The following CNBD1 variants were observed in gnomAD, a reference collection of about 807,000 sequenced individuals.
The protein encoded by CNBD1 is cyclic nucleotide binding domain containing 1, also known as cyclic nucleotide-binding domain-containing protein 1.
A neutral mutation model predicts 54.4 loss-of-function variants in CNBD1; 71 were observed. That is an observed-to-expected ratio of 1.30 (90% CI 1.08 to 1.59). The LOEUF (loss-of-function observed/expected upper bound fraction) is 1.59, where lower values mean the gene tolerates loss of function less well. CNBD1 is among the 40% of genes most tolerant of loss of function. The pLI is 0.00. For synonymous variants in CNBD1, 182 were observed against 170.7 expected (o/e 1.07, Z -0.51); for missense variants, 659 against 518.0 (o/e 1.27, Z -2.64).
chr8:87,149,657 C>T (rs537333275), intron 4 of CNBD1, among the ~76,000 whole-genome samples: 48 of 152,208 alleles, frequency 3.2e-4, no homozygotes, highest in African/African-American at 1.1e-3. Context: ...AGACCCTGAT[C>T]TAAGGTAGGG....
At chr8:87,199,534 TAAG>T (rs2130792416) in intron 4 of CNBD1, among the ~76,000 whole-genome samples, 1 of 152,310 alleles carries the variant, frequency 6.6e-6, no homozygotes, top group Non-Finnish European at 1.5e-5. Context: ...TTTTTTGTGA[TAAG>T]AACACTTCAC....
chr8:86,958,031 T>C (rs1807825277), intron 4 of CNBD1, among the ~76,000 whole-genome samples: 1 of 152,240 alleles, frequency 6.6e-6, no homozygotes, highest in Admixed American at 6.5e-5. Context: ...TATTTGTGTC[T>C]TTGTTCACAT....
At chr8:87,274,562 G>A (rs1808437401) in intron 6 of CNBD1, among the ~76,000 whole-genome samples, 1 of 147,538 alleles carries the variant, frequency 6.8e-6, no homozygotes, top group Non-Finnish European at 1.5e-5. Flanking sequence ...CTACATAAAT[G>A]TCTTCTTTTG....
At chr8:87,345,248 C>A (rs948835356) in intron 8 of CNBD1, among the ~76,000 whole-genome samples, 3 of 152,182 alleles carry the variant, frequency 2.0e-5, no homozygotes, top group African/African-American at 7.2e-5. Context: ...TTAGATTCAA[C>A]ATAGTGCTAG....
chr8:87,248,591 C>T (rs1489324821), intron 6 of CNBD1, among the ~76,000 whole-genome samples: 2 of 152,154 alleles, frequency 1.3e-5, no homozygotes, highest in Non-Finnish European at 2.9e-5. Context: ...CTCATGGCTT[C>T]GTTGGATAGC....
chr8:86,945,081 C>T (rs1807435301), intron 4 of CNBD1, among the ~76,000 whole-genome samples: 1 of 152,000 alleles, frequency 6.6e-6, no homozygotes, highest in Non-Finnish European at 1.5e-5. Context: ...ACAACACTGG[C>T]TTTTAAAATG....
chr8:87,260,852 C>A (rs1246441119), intron 6 of CNBD1, among the ~76,000 whole-genome samples: 1 of 151,916 alleles, frequency 6.6e-6, no homozygotes, highest in Non-Finnish European at 1.5e-5. Flanking sequence ...AATGTATAAG[C>A]CAGAAGGAAC....
chr8:87,214,840 T>TG (rs1554569372), intron 5 of CNBD1, among the ~76,000 whole-genome samples: 1 of 152,064 alleles, frequency 6.6e-6, no homozygotes, highest in Non-Finnish European at 1.5e-5. Context: ...GAGAACAGTA[T>TG]GGGGGAAACT....
intron 4 of CNBD1, among the ~76,000 whole-genome samples, chr8:87,055,919 CTT>C: frequency 6.8e-6 from 1 of 146,546 alleles, no homozygotes; most frequent in Non-Finnish European, 1.5e-5. Context: ...TCCTTCCTTC[CTT>C]CCTTCCTTCC....
chr8:87,360,428 G>A (rs1810502875), intron 10 of CNBD1, among the ~76,000 whole-genome samples: 1 of 151,670 alleles, frequency 6.6e-6, no homozygotes, highest in Non-Finnish European at 1.5e-5. Flanking sequence ...AATGAGAATA[G>A]CATTATTAAG....
chr8:87,367,181 A>C (rs1810658281), intron 10 of CNBD1, among the ~76,000 whole-genome samples: 1 of 152,048 alleles, frequency 6.6e-6, no homozygotes, highest in Admixed American at 6.6e-5. Context: ...CTTTGTCCTG[A>C]CAAACTTTGA....
intron 8 of CNBD1, among the ~76,000 whole-genome samples, chr8:87,308,077 G>A (rs1018863254): frequency 1.3e-5 from 2 of 151,986 alleles, no homozygotes; most frequent in African/African-American, 4.8e-5. Context: ...GCCAACAAGC[G>A]ACATTATCTT....
intron 4 of CNBD1, among the ~76,000 whole-genome samples, chr8:87,111,879 C>A (rs528665666): frequency 6.6e-6 from 1 of 151,884 alleles, no homozygotes; most frequent in Non-Finnish European, 1.5e-5. Context: ...TGTTACATGT[C>A]TCTGATATTT....
At chr8:87,246,484 T>C (rs750469497) in intron 6 of CNBD1, among the ~76,000 whole-genome samples, 5 of 152,198 alleles carry the variant, frequency 3.3e-5, no homozygotes, top group African/African-American at 4.8e-5. Flanking sequence ...AATCTCTGTA[T>C]CAGTTAAGAG....
chr8:86,951,809 A>G (rs1253721836), intron 4 of CNBD1, among the ~76,000 whole-genome samples: 2 of 151,960 alleles, frequency 1.3e-5, no homozygotes, highest in Non-Finnish European at 2.9e-5. Flanking sequence ...TGAAAAGAAA[A>G]AAAAATCTTG....
At chr8:87,126,079 G>A (rs761263491) in intron 4 of CNBD1, among the ~76,000 whole-genome samples, 11 of 151,728 alleles carry the variant, frequency 7.2e-5, no homozygotes, top group South Asian at 2.1e-4. Context: ...ACATATTGTG[G>A]GTGGGCATTT....
chr8:87,092,409 ATGTG>A (rs1166827669), intron 4 of CNBD1, among the ~76,000 whole-genome samples: 4 of 118,904 alleles, frequency 3.4e-5, no homozygotes, highest in South Asian at 2.6e-4. Context: ...GTGTGTGTAT[ATGTG>A]TGTGTATGTA....
chr8:87,153,655 T>C (rs1313224637), intron 4 of CNBD1, among the ~76,000 whole-genome samples: 1 of 152,210 alleles, frequency 6.6e-6, no homozygotes. Flanking sequence ...ACTAATTGTT[T>C]ATCCATTCAA....
intron 4 of CNBD1, among the ~76,000 whole-genome samples, chr8:86,960,081 G>T (rs1284264073): frequency 1.3e-5 from 2 of 152,186 alleles, no homozygotes; most frequent in African/African-American, 2.4e-5. Context: ...CAATGCACAA[G>T]ATGGGTGATT....
Sources: gnomAD v4.1 joint callset for allele counts (sites outside exome capture counted in the v4.1 genomes callset) on GRCh38, gnomAD v4.1.1 for gene constraint, MANE v1.5 for transcripts, NCBI Gene and HGNC (gene_info 2026-07-23, HGNC 2026-07-21) for gene names.